Variants in DRICH1 observed in about 807,000 individuals in gnomAD.
The protein encoded by DRICH1 is aspartate rich 1.
Under a neutral mutation model 39.5 loss-of-function variants are expected in DRICH1, and 38 were observed. The observed-to-expected ratio is 0.96, with a 90% CI of 0.74 to 1.26. DRICH1 has a LOEUF of 1.26. DRICH1 is among the 50% of genes most tolerant of loss of function. The pLI is 0.00. For missense variants in DRICH1, 279 were observed against 270.4 expected, an observed-to-expected ratio of 1.03 and a Z score of -0.22; for synonymous variants, 84 against 99.5, an observed-to-expected ratio of 0.84 and a Z score of 0.93.
chr22:23,613,224 G>C, intron 11 of DRICH1, 65 bp downstream of exon 11: 1 of 1,228,886 alleles, frequency 8.1e-7, no homozygotes, highest in South Asian at 1.2e-5. Context: ...ACAAGCAACA[G>C]GGATAACCTG....
At position 23,632,027 on chromosome 22, in the gene DRICH1, G is replaced by A; in HGVS notation, c.-4C>T. 6.2e-7 allele frequency: 1 copy of A among 1,612,226 alleles called. No individual in the cohort carries two copies. Among genetic ancestry groups the A allele is most frequent in the African/African-American group, 1.3e-5 (1 of 74,952 alleles). On this transcript the variant is annotated 5_prime_UTR_variant, in exon 1 of 12. Transcript: ENST00000317749. The stretch of plus-strand genomic sequence containing the variant: ...AACAGGTCAGTATATTCCCCATGGG[G>A]CCTCTCCATGCCTCTCCACTCCTGC...
the DRICH1 span, among the ~76,000 whole-genome samples, chr22:23,589,214 G>A: frequency 6.6e-6 from 1 of 152,018 alleles, no homozygotes; most frequent in Non-Finnish European, 1.5e-5. Context: ...ACTTTGGGAG[G>A]CCAAGGTGGG....
rs1241478580 is a variant in DRICH1 at position 23,628,784 on chromosome 22, G to T, written c.209-2736C>A. Among the ~76,000 whole-genome samples, 3 of 152,178 alleles carry T rather than the reference G, an allele frequency of 2.0e-5. No individual in the cohort carries two copies. The East Asian group carries it at 5.8e-4, about 29-fold the overall frequency. On this transcript the variant is annotated intron_variant, in intron 1 of 11. Transcript: ENST00000317749. ...TGTGTCCTGTCTGCTCTGTGTCAGA[G>T]AAGTGGGGACCTGATTCCTGCTCTG...
In DRICH1 at chr22:23,632,058, C is replaced by G; in HGVS notation, c.-35G>C. The G allele has an allele frequency of 1.9e-6, 3 of 1,611,266 alleles. No homozygotes were observed. Among genetic ancestry groups the G allele is most frequent in the Non-Finnish European group, 2.5e-6 (3 of 1,179,262 alleles). ...CCATGCCTCTCCACTCCTGCCTCAGCCTTCAGCGAAATTGTAACTGTGCTG... is the reference window on the plus strand; with the variant it reads ...CCATGCCTCTCCACTCCTGCCTCAGGCTTCAGCGAAATTGTAACTGTGCTG... On this transcript the variant is annotated 5_prime_UTR_variant, in exon 1 of 12. Coordinates refer to ENST00000317749, the MANE Select transcript of DRICH1 (RefSeq NM_016449.4).
Position 23,613,311 on chromosome 22 carries a change from T to TA in DRICH1, c.662dup (p.Ser222LysfsTer2), listed in dbSNP as rs773193331. The TA allele has an allele frequency of 1.2e-6, 2 of 1,613,642 alleles. No homozygotes were observed. The highest frequency in any genetic ancestry group is 1.7e-6 in the Non-Finnish European group (2 of 1,179,668). On this transcript the variant is annotated frameshift_variant, in exon 11 of 12. Coordinates refer to ENST00000317749, the MANE Select transcript of DRICH1 (RefSeq NM_016449.4). LOFTEE classifies it low-confidence loss of function (END_TRUNC). ...TACCTGGATGAATCTCTTCATCACTTAGACTCTCCAGCGTCAAGTCTTTAG... is the reference window on the plus strand; with the variant it reads ...TACCTGGATGAATCTCTTCATCACTTAAGACTCTCCAGCGTCAAGTCTTTAG...
chr22:23,624,844 G>C, intron 3 of DRICH1, 39 bp downstream of exon 3: 1 of 1,605,164 alleles, frequency 6.2e-7, no homozygotes, highest in African/African-American at 1.3e-5. Context: ...AAGCTAGCAA[G>C]TTTGTTTCTC....
rs12167828 is a variant in DRICH1, at chr22:23,631,995, T to C, written c.29A>G (p.Asn10Ser). 9.9e-4 allele frequency: 1,604 copies of C among 1,613,266 alleles called. 13 individuals are homozygous for C. In the African/African-American group the frequency reaches 0.019, roughly 19 times the overall value. MGNILTCCI[N>S]SHCGWPRGKD... ...CCCCCTGGGCCAGCCACAGTGGGAG[T>C]TGATACAACAGGTCAGTATATTCCC... Residue 10 changes from asparagine to serine, a missense_variant, in exon 1 of 12, where the codon AAC becomes AGC. Transcript: ENST00000317749.
chr22:23,606,838 C>T (rs971056100), downstream of DRICH1, among the ~76,000 whole-genome samples: 4 of 152,244 alleles, frequency 2.6e-5, no homozygotes, highest in African/African-American at 9.6e-5. Flanking sequence ...CATTCAACTG[C>T]TGACATGGCT....
the DRICH1 span, among the ~76,000 whole-genome samples, chr22:23,595,461 T>TC: frequency 0.014 from 2,147 of 150,220 alleles, 30 homozygotes; most frequent in African/African-American, 0.049. Context: ...AACAGGTCAC[T>TC]CAGAGTCACC....
intron 6 of DRICH1, 111 bp downstream of exon 6, chr22:23,619,253 G>T: frequency 1.5e-6 from 1 of 649,678 alleles, no homozygotes; most frequent in Non-Finnish European, 2.9e-6. Context: ...TCAACATAAA[G>T]TTTCTAAAAG....
intron 4 of DRICH1, 83 bp downstream of exon 4, chr22:23,622,008 A>T: frequency 5.4e-6 from 7 of 1,298,368 alleles, no homozygotes; most frequent in Non-Finnish European, 7.8e-6. Flanking sequence ...CCCTGAGTCC[A>T]TTCTTTGGGA....
Position 23,619,397 on chromosome 22 carries a change from C to G in DRICH1, c.407-4G>C, listed in dbSNP as rs762356421. 1.2e-5 allele frequency: 9 copies of G among 780,342 alleles called. No homozygotes were observed. In the Middle Eastern group the frequency reaches 1.1e-3, roughly 98 times the overall value. The allele number at this position is 780,342 out of a possible 1,614,324, so 48.3% of individuals were successfully genotyped here. ...CTATCAAACCGGTAACAGCCACCTG[C>G]GGAGAAATGGAAAAGTTAATCTAAG... On this transcript the variant is annotated splice_region_variant and splice_polypyrimidine_tract_variant and intron_variant, in intron 5 of 11. Coordinates refer to ENST00000317749, the MANE Select transcript of DRICH1 (RefSeq NM_016449.4).
chr22:23,620,934 T>C (rs1238176795), intron 4 of DRICH1, among the ~76,000 whole-genome samples: 2 of 152,174 alleles, frequency 1.3e-5, no homozygotes, highest in African/African-American at 4.8e-5. Flanking sequence ...ATGGACACCA[T>C]CATTTAAAAA....
intron 7 of DRICH1, 140 bp downstream of exon 7, chr22:23,617,435 G>C: frequency 1.0e-6 from 1 of 975,350 alleles, no homozygotes; most frequent in East Asian, 2.4e-5. Context: ...ATGCCTGCTT[G>C]TTGGGCCCCC....
chr22:23,582,204 C>G, the DRICH1 span, among the ~76,000 whole-genome samples: 1 of 151,362 alleles, frequency 6.6e-6, no homozygotes, highest in African/African-American at 2.4e-5. Context: ...GTCTCAAACT[C>G]CTGACCTCAT....
downstream of DRICH1, among the ~76,000 whole-genome samples, chr22:23,604,685 C>T (rs946753090): frequency 2.0e-5 from 3 of 152,164 alleles, no homozygotes; most frequent in Non-Finnish European, 4.4e-5. Context: ...AGGGGTAGGG[C>T]ATCAGGCTGC....
downstream of DRICH1, among the ~76,000 whole-genome samples, chr22:23,603,569 C>T (rs1284095802): frequency 1.3e-5 from 2 of 152,152 alleles, no homozygotes; most frequent in African/African-American, 4.8e-5. Context: ...GTCTGTCAGC[C>T]TCTCCCTCCG....
the DRICH1 span, among the ~76,000 whole-genome samples, chr22:23,601,146 G>GCGCA: frequency 1.6e-3 from 241 of 146,214 alleles, 1 homozygote; most frequent in African/African-American, 5.2e-3. Flanking sequence ...ACGCACGCGC[G>GCGCA]CACACACACA....
downstream of DRICH1, among the ~76,000 whole-genome samples, chr22:23,605,657 C>T (rs539933621): frequency 1.3e-5 from 2 of 152,010 alleles, no homozygotes; most frequent in Admixed American, 6.5e-5. Flanking sequence ...CCCCTGCCTC[C>T]ATTCCTGCCC....
Sources: allele counts gnomAD v4.1 joint callset (sites outside exome capture counted in the v4.1 genomes callset), GRCh38; gene constraint gnomAD v4.1.1; transcripts MANE v1.5; gene names NCBI Gene and HGNC (gene_info 2026-07-23, HGNC 2026-07-21).